Variants in TFCP2L1 observed in about 807,000 individuals in gnomAD.
TFCP2L1 encodes the protein transcription factor CP2-like protein 1.
In TFCP2L1, 12 loss-of-function variants were observed where a neutral mutation model predicts 72.2. The ratio of observed to expected loss-of-function variants is 0.17; its 90% CI spans 0.11 to 0.27. The LOEUF (loss-of-function observed/expected upper bound fraction) is 0.27. Ranked by LOEUF, TFCP2L1 falls within the 10% of genes least tolerant of loss-of-function variation. The pLI, the probability that TFCP2L1 is intolerant of heterozygous loss-of-function variation, is 1.00. For synonymous variants in TFCP2L1, 260 were observed against 251.0 expected (o/e 1.04, Z -0.34); for missense variants, 488 against 624.6 (o/e 0.78, Z 2.33).
intron 2 of TFCP2L1, among the ~76,000 whole-genome samples, chr2:121,258,146 C>T (rs1162277133): frequency 6.6e-6 from 1 of 152,230 alleles, no homozygotes; most frequent in African/African-American, 2.4e-5. Context: ...GAAAACAATG[C>T]AGCCACTGCC....
intron 2 of TFCP2L1, among the ~76,000 whole-genome samples, chr2:121,252,735 A>C (rs1275335934): frequency 6.6e-6 from 1 of 152,204 alleles, no homozygotes; most frequent in African/African-American, 2.4e-5. Context: ...CCGACTGCTA[A>C]TCTCCAGAAC....
chr2:121,277,157 G>T (rs1167425988), intron 2 of TFCP2L1, among the ~76,000 whole-genome samples: 1 of 152,006 alleles, frequency 6.6e-6, no homozygotes, highest in East Asian at 1.9e-4. Flanking sequence ...AAATTAAAAA[G>T]ATCAATAAAT....
At chr2:121,239,979 C>T (rs1686334410) in intron 7 of TFCP2L1, 4 of 931,984 alleles carry the variant, frequency 4.3e-6, no homozygotes, top group Non-Finnish European at 5.1e-6. Flanking sequence ...CGAAACCAGC[C>T]AGTTGTTCAC....
At chr2:121,283,077 T>C (rs1687297188) in intron 1 of TFCP2L1, among the ~76,000 whole-genome samples, 1 of 152,192 alleles carries the variant, frequency 6.6e-6, no homozygotes, top group Non-Finnish European at 1.5e-5. Context: ...GCCCAGACCA[T>C]GTCAAGTTAA....
intron 4 of TFCP2L1, among the ~76,000 whole-genome samples, 161 bp downstream of exon 4, chr2:121,248,821 C>G (rs1397818314): frequency 6.6e-6 from 1 of 152,214 alleles, no homozygotes; most frequent in Non-Finnish European, 1.5e-5. Context: ...GAGGGCAGGA[C>G]CCAGTGTATG....
intron 12 of TFCP2L1, 114 bp downstream of exon 12, chr2:121,233,977 A>G: frequency 1.1e-6 from 1 of 907,930 alleles, no homozygotes; most frequent in Non-Finnish European, 1.7e-6. Context: ...GGCATGTGGG[A>G]GCCCAGGACT....
In TFCP2L1 at chr2:121,249,637, A is replaced by G. The variant is rs773229030; in HGVS notation, c.225T>C (p.Tyr75=). The G allele has an allele frequency of 6.8e-6, 11 of 1,614,122 alleles. No individual in the cohort carries two copies. The highest frequency in any genetic ancestry group is 4.0e-5 in the African/African-American group (3 of 74,948). The change falls in exon 3 of 15, where the codon TAT becomes TAC. Residue 75 remains tyrosine (Y), a synonymous_variant. Transcript: ENST00000263707. ...TCCGATTCTCCAGTAGTCGGATTTC[A>G]TAAGACTGACCTGGATGGGGGTTAA... The part of the protein sequence containing the change: ...TLTYLNQGQS[Y]EIRLLENRKL...
chr2:121,230,518 T>C (rs894308256), intron 13 of TFCP2L1, among the ~76,000 whole-genome samples: 1 of 151,406 alleles, frequency 6.6e-6, no homozygotes, highest in African/African-American at 2.4e-5. Context: ...CAGGGGCTCA[T>C]GCCTGTAATC....
chr2:121,281,348 G>C, intron 1 of TFCP2L1, 77 bp from the exon 2 acceptor site: 2 of 1,489,670 alleles, frequency 1.3e-6, no homozygotes, highest in Non-Finnish European at 1.8e-6. Context: ...AAGCTAGAGA[G>C]ACGACGCAGA....
chr2:121,274,094 CAAAAAAAA>C, intron 2 of TFCP2L1, among the ~76,000 whole-genome samples: 1 of 60,808 alleles, frequency 1.6e-5, no homozygotes, highest in Admixed American at 1.8e-4. Context: ...ACTCTGTCTC[CAAAAAAAA>C]AAAAAAAGAA....
intron 10 of TFCP2L1, 36 bp from the exon 11 acceptor site, chr2:121,235,347 G>C (rs1205434559): frequency 1.2e-6 from 2 of 1,601,696 alleles, no homozygotes; most frequent in Non-Finnish European, 8.5e-7. Flanking sequence ...CTGTTACATG[G>C]AACCCAGAGA....
intron 4 of TFCP2L1, 129 bp downstream of exon 4, chr2:121,248,853 G>T: frequency 1.7e-6 from 1 of 576,856 alleles, no homozygotes. Context: ...AAGCTCCCGC[G>T]GGGTTTTACA....
chr2:121,230,653 G>A (rs182790007), intron 13 of TFCP2L1, among the ~76,000 whole-genome samples: 2,150 of 152,046 alleles, frequency 0.014, 68 homozygotes, highest in African/African-American at 0.049. Flanking sequence ...AGTGCCTGTA[G>A]TTCCAGCTAC....
At chr2:121,266,552 GGC>G (rs1686934333) in intron 2 of TFCP2L1, among the ~76,000 whole-genome samples, 1 of 152,220 alleles carries the variant, frequency 6.6e-6, no homozygotes, top group Non-Finnish European at 1.5e-5. Flanking sequence ...CAGGGTTCCA[GGC>G]AGGCAGTTGC....
In TFCP2L1 at chr2:121,266,111, C is replaced by T. The variant is rs148104418; in HGVS notation, c.214+15009G>A. 2.5e-3 allele frequency among the ~76,000 whole-genome samples: 373 copies of T among 151,822 alleles called. 2 individuals carry two copies. Among genetic ancestry groups the T allele is most frequent in the East Asian group, 0.019 (96 of 5,148 alleles). On this transcript the variant is annotated intron_variant, in intron 2 of 14. Coordinates refer to ENST00000263707, the MANE Select transcript of TFCP2L1 (RefSeq NM_014553.3). ...GAACTCCTGGGCTCAAGTGATCTGCCCACCTTGGCCTCCCGAAGTGCTGGG... is the reference window on the plus strand; with the variant it reads ...GAACTCCTGGGCTCAAGTGATCTGCTCACCTTGGCCTCCCGAAGTGCTGGG...
At chr2:121,229,979 T>C (rs1023351712) in intron 13 of TFCP2L1, among the ~76,000 whole-genome samples, 2 of 151,766 alleles carry the variant, frequency 1.3e-5, no homozygotes, top group African/African-American at 4.8e-5. Context: ...CAAATCGGAG[T>C]CTTAATCCAC....
chr2:121,224,442 G>C, intron 14 of TFCP2L1, 55 bp from the exon 15 acceptor site: 1 of 1,584,470 alleles, frequency 6.3e-7, no homozygotes. Context: ...CAGTGCCACA[G>C]TATTGGGGAG....
chr2:121,248,813 G>A (rs1041707055), intron 4 of TFCP2L1, among the ~76,000 whole-genome samples, 169 bp downstream of exon 4: 1 of 152,192 alleles, frequency 6.6e-6, no homozygotes, highest in Admixed American at 6.5e-5. Flanking sequence ...GACTCCTCGA[G>A]GGCAGGACCC....
chr2:121,281,019 C>T (rs1687246295), intron 2 of TFCP2L1, 101 bp downstream of exon 2: 2 of 1,520,246 alleles, frequency 1.3e-6, no homozygotes, highest in East Asian at 2.3e-5. Context: ...CCTCGCCCGA[C>T]CTCACCCACC....
Sources: gnomAD v4.1 joint callset for allele counts (sites outside exome capture counted in the v4.1 genomes callset) on GRCh38, gnomAD v4.1.1 for gene constraint, MANE v1.5 for transcripts, NCBI Gene and HGNC (gene_info 2026-07-23, HGNC 2026-07-21) for gene names.